The following CELF2 variants were observed in gnomAD, a reference collection of about 807,000 sequenced individuals.
The protein encoded by CELF2 is CUGBP Elav-like family member 2.
In CELF2, 8 loss-of-function variants were observed where a neutral mutation model predicts 62.6. The observed-to-expected ratio is 0.13, with a 90% CI of 0.07 to 0.23. The LOEUF is 0.23. Among genes scored for constraint, CELF2 ranks in the 10% least tolerant of loss-of-function variants. The pLI is 1.00. For synonymous variants in CELF2, 258 were observed against 250.0 expected (o/e 1.03, Z -0.30); for missense variants, 333 against 671.0 (o/e 0.50, Z 5.56).
the CELF2 span, among the ~76,000 whole-genome samples, chr10:10,493,521 T>A: frequency 3.4e-3 from 14 of 4,108 alleles, no homozygotes; most frequent in East Asian, 0.023. Context: ...ATTTTGGGCG[T>A]TTTTTTTTTG....
At chr10:10,777,801 G>A in the CELF2 span, among the ~76,000 whole-genome samples, 2 of 152,060 alleles carry the variant, frequency 1.3e-5, no homozygotes, top group Admixed American at 6.6e-5. Flanking sequence ...TGATCTGGCC[G>A]TTACCTACCT....
At chr10:10,960,464 A>G (rs1483117775) in intron 2 of CELF2, 2 of 152,258 alleles carry the variant, frequency 1.3e-5, no homozygotes, top group African/African-American at 2.4e-5. Context: ...ATTAGTTGAT[A>G]TAACCATGCT....
intron 1 of CELF2, among the ~76,000 whole-genome samples, chr10:11,099,560 C>T (rs561235091): frequency 6.6e-6 from 1 of 152,148 alleles, no homozygotes; most frequent in South Asian, 2.1e-4. Context: ...CATAGAATTC[C>T]CGATTTCCTT....
the CELF2 span, among the ~76,000 whole-genome samples, chr10:10,724,715 G>A: frequency 1.3e-5 from 2 of 151,572 alleles, no homozygotes; most frequent in Non-Finnish European, 2.9e-5. Context: ...AAGTATGTGG[G>A]TGTGGTCAGT....
At chr10:10,988,936 A>G (rs1004987158) in intron 2 of CELF2, among the ~76,000 whole-genome samples, 32 of 152,158 alleles carry the variant, frequency 2.1e-4, no homozygotes, top group African/African-American at 7.2e-4. Context: ...CAAAAAGATA[A>G]ATATAAACAT....
At chr10:11,054,312 C>G (rs2064660694) in intron 1 of CELF2, among the ~76,000 whole-genome samples, 1 of 152,140 alleles carries the variant, frequency 6.6e-6, no homozygotes, top group Non-Finnish European at 1.5e-5. Context: ...TTGTATCATC[C>G]CATAGTTACT....
chr10:11,286,452 C>T (rs904934124), intron 8 of CELF2, among the ~76,000 whole-genome samples: 1 of 152,228 alleles, frequency 6.6e-6, no homozygotes, highest in Non-Finnish European at 1.5e-5. Context: ...CATGGACAGA[C>T]CTGCGTGAAT....
chr10:11,009,019 G>A lies in CELF2; in HGVS notation c.53+3579G>A, dbSNP rs1022094008. 3.7e-4 allele frequency among the ~76,000 whole-genome samples: 17 copies of A among 46,546 alleles called. No homozygotes were observed. In the South Asian group the frequency reaches 0.012, roughly 34 times the overall value. The allele number at this position is 46,546 out of a possible 152,430, so 30.5% of individuals were successfully genotyped here. On this transcript the variant is annotated intron_variant, in intron 1 of 12. Transcript: ENST00000416382. ...TGGGGAATTTGCGGGGGGGGGGGGGGAGCATTCCTGATTCATAAAACTATT... is the reference window on the plus strand; with the variant it reads ...TGGGGAATTTGCGGGGGGGGGGGGGAAGCATTCCTGATTCATAAAACTATT...
chr10:11,031,841 C>T (rs1490700009), intron 1 of CELF2, among the ~76,000 whole-genome samples: 1 of 152,104 alleles, frequency 6.6e-6, no homozygotes, highest in Non-Finnish European at 1.5e-5. Flanking sequence ...ATACTAACTC[C>T]ATTCTCTGAT....
At chr10:10,734,092 A>ATT in the CELF2 span, among the ~76,000 whole-genome samples, 3 of 149,222 alleles carry the variant, frequency 2.0e-5, no homozygotes, top group Non-Finnish European at 4.5e-5. Context: ...CTACATGTTC[A>ATT]TTTTTTTTTT....
chr10:10,770,986 C>A, the CELF2 span, among the ~76,000 whole-genome samples: 3 of 152,218 alleles, frequency 2.0e-5, no homozygotes, highest in East Asian at 1.9e-4. Context: ...GAGCACTGGG[C>A]GTTCATATTT....
the CELF2 span, among the ~76,000 whole-genome samples, chr10:10,586,450 C>T: frequency 6.6e-6 from 1 of 152,132 alleles, no homozygotes; most frequent in Admixed American, 6.6e-5. Context: ...GAAACACATA[C>T]CCTAGTCCTT....
intron 1 of CELF2, among the ~76,000 whole-genome samples, chr10:10,875,311 A>G (rs1042550643): frequency 2.6e-5 from 4 of 152,238 alleles, no homozygotes; most frequent in African/African-American, 9.6e-5. Context: ...TTCCAAAAGG[A>G]TAAAAAACTG....
At chr10:10,579,145 C>A in the CELF2 span, among the ~76,000 whole-genome samples, 4 of 152,110 alleles carry the variant, frequency 2.6e-5, no homozygotes, top group Non-Finnish European at 5.9e-5. Flanking sequence ...CAAGTAAGTG[C>A]TGTAAAGGAA....
the CELF2 span, among the ~76,000 whole-genome samples, chr10:10,769,000 C>G: frequency 9.2e-5 from 14 of 152,194 alleles, no homozygotes; most frequent in African/African-American, 3.1e-4. Context: ...CTACTAAAAA[C>G]AAAATTGTAA....
intron 1 of CELF2, among the ~76,000 whole-genome samples, chr10:11,080,867 T>A (rs2073835649): frequency 6.6e-6 from 1 of 152,238 alleles, no homozygotes; most frequent in South Asian, 2.1e-4. Context: ...ACGTCTGTTG[T>A]CATTAGAATT....
intron 1 of CELF2, among the ~76,000 whole-genome samples, chr10:10,816,244 A>T (rs182732921): frequency 6.6e-6 from 1 of 152,236 alleles, no homozygotes; most frequent in South Asian, 2.1e-4. Flanking sequence ...CCTGTGTTTC[A>T]TAAATCCATT....
the CELF2 span, among the ~76,000 whole-genome samples, chr10:10,474,290 GA>G: frequency 6.6e-6 from 1 of 151,848 alleles, no homozygotes; most frequent in East Asian, 1.9e-4. Context: ...CAAAAAGGGG[GA>G]AAAAAGACAA....
the CELF2 span, among the ~76,000 whole-genome samples, chr10:10,491,928 A>AG: frequency 7.8e-4 from 118 of 152,046 alleles, 1 homozygote; most frequent in African/African-American, 2.6e-3. Context: ...CTTTTTTGCC[A>AG]GGTCTTTTTT....
Sources: gnomAD v4.1 joint callset for allele counts (sites outside exome capture counted in the v4.1 genomes callset) on GRCh38, gnomAD v4.1.1 for gene constraint, MANE v1.5 for transcripts, NCBI Gene and HGNC (gene_info 2026-07-23, HGNC 2026-07-21) for gene names.